FGD4: variants seen among roughly 807,000 people sequenced by gnomAD.
The protein encoded by FGD4 is FYVE, RhoGEF and PH domain containing 4.
A neutral mutation model predicts 102.0 loss-of-function variants in FGD4; 42 were observed. The ratio of observed to expected loss-of-function variants is 0.41; its 90% CI spans 0.32 to 0.53. FGD4 has a LOEUF of 0.53. FGD4 is among the 20% of genes least tolerant of loss of function. The pLI is 0.21. For missense variants in FGD4, 902 were observed against 1,078.2 expected (o/e 0.84, Z 2.29); for synonymous variants, 380 against 375.7 (o/e 1.01, Z -0.13).
intron 4 of FGD4, among the ~76,000 whole-genome samples, chr12:32,595,085 T>G (rs1215089803): frequency 6.6e-6 from 1 of 151,658 alleles, no homozygotes; most frequent in African/African-American, 2.4e-5. Context: ...ACAATGTTGA[T>G]GCAGGGGAAT....
Position 32,570,355 on chromosome 12 carries a change from G to A in FGD4, c.320-5911G>A, listed in dbSNP as rs540601958. 4.7e-4 allele frequency among the ~76,000 whole-genome samples: 71 copies of A among 152,096 alleles called. 1 individual carries two copies. The highest frequency in any genetic ancestry group is 7.9e-4 in the Non-Finnish European group (54 of 68,010). On this transcript the variant is annotated intron_variant, in intron 2 of 16. Coordinates refer to ENST00000534526, the MANE Select transcript of FGD4 (RefSeq NM_001370298.3). ...TTCCCTGAAATACTAATAAGTGAGG[G>A]TGAACACCATTTTTCCTGTCTATAT...
At chr12:32,623,142 A>T (rs1949946122) in intron 11 of FGD4, among the ~76,000 whole-genome samples, 2 of 152,176 alleles carry the variant, frequency 1.3e-5, no homozygotes. Context: ...TTTTATATAC[A>T]GAATACTATT....
At chr12:32,424,466 A>G (rs551859630) in intron 1 of FGD4, among the ~76,000 whole-genome samples, 1 of 152,232 alleles carries the variant, frequency 6.6e-6, no homozygotes, top group East Asian at 1.9e-4. Context: ...TATCCAGTCT[A>G]TCATTGATGG....
Position 32,586,346 on chromosome 12 carries a change from C to T in FGD4, c.1011+3879C>T, listed in dbSNP as rs180947726. On this transcript the variant is annotated intron_variant, in intron 4 of 16. Transcript: ENST00000534526. ...CAGAAAATACACACAAAAACCACAC[C>T]CATAATTCTACCAGTGAGAATTGCT... Among the ~76,000 whole-genome samples the T allele has an allele frequency of 4.6e-5, 7 of 152,070 alleles. No homozygotes were observed. The East Asian group carries it at 1.4e-3, about 29-fold the overall frequency.
intron 1 of FGD4, among the ~76,000 whole-genome samples, chr12:32,533,648 C>G (rs1941996276): frequency 6.6e-6 from 1 of 152,202 alleles, no homozygotes; most frequent in Non-Finnish European, 1.5e-5. Flanking sequence ...TGGTTTCGAA[C>G]TCCTGACCTC....
intron 1 of FGD4, among the ~76,000 whole-genome samples, chr12:32,559,222 A>C (rs974483331): frequency 1.3e-5 from 2 of 152,156 alleles, no homozygotes; most frequent in Non-Finnish European, 1.5e-5. Flanking sequence ...AACAAACAAA[A>C]AGTTTCAGTT....
In FGD4 at chr12:32,633,660, G is replaced by GAAGAA. The variant is rs751035912; in HGVS notation, c.2298_2302dup (p.Gly768GlufsTer5). ...AATCATAAGTGGATTCACAGACAGT[G>GAAGAA]AAGAAAAGAAAAGAAAAGGAATTTT... On this transcript the variant is annotated frameshift_variant, in exon 15 of 17. Coordinates refer to ENST00000534526, the MANE Select transcript of FGD4 (RefSeq NM_001370298.3). LOFTEE classifies it high-confidence loss of function. 8 of 1,606,378 alleles carry GAAGAA rather than the reference G, an allele frequency of 5.0e-6. No individual in the cohort carries two copies. Among genetic ancestry groups the GAAGAA allele is most frequent in the African/African-American group, 1.3e-5 (1 of 74,750 alleles).
intron 1 of FGD4, among the ~76,000 whole-genome samples, chr12:32,535,877 G>C (rs1304382462): frequency 1.3e-5 from 2 of 152,136 alleles, no homozygotes. Flanking sequence ...TAGAGAACTT[G>C]TTGGCTCTTG....
chr12:32,596,752 A>G (rs771600310), intron 4 of FGD4, among the ~76,000 whole-genome samples: 52 of 152,024 alleles, frequency 3.4e-4, no homozygotes, highest in Non-Finnish European at 6.0e-4. Flanking sequence ...CCTGACCAAC[A>G]TGGAGAAACC....
chr12:32,633,448 C>T, intron 14 of FGD4, 101 bp from the exon 15 acceptor site: 1 of 1,307,526 alleles, frequency 7.6e-7, no homozygotes, highest in Non-Finnish European at 1.1e-6. Flanking sequence ...AATCTGCCTT[C>T]TATGCTTAAC....
chr12:32,585,222 T>TTATATATATATATATATATA (rs140227421), intron 4 of FGD4, among the ~76,000 whole-genome samples: 234 of 116,080 alleles, frequency 2.0e-3, no homozygotes, highest in Non-Finnish European at 2.7e-3. Flanking sequence ...CTCAAAAATT[T>TTATATATATATATATATATA]TATATATATA....
At chr12:32,577,374 T>C (rs1946214433) in intron 3 of FGD4, among the ~76,000 whole-genome samples, 1 of 152,228 alleles carries the variant, frequency 6.6e-6, no homozygotes, top group Admixed American at 6.5e-5. Flanking sequence ...TGTTAACCAT[T>C]AGGGTGATTT....
chr12:32,430,577 CTTTTA>C (rs928796522), intron 1 of FGD4, among the ~76,000 whole-genome samples: 2 of 152,072 alleles, frequency 1.3e-5, no homozygotes, highest in Non-Finnish European at 2.9e-5. Flanking sequence ...CTTCATTCCT[CTTTTA>C]CTCTATTTAA....
At chr12:32,582,537 T>C (rs1332388873) in intron 4 of FGD4, 70 bp downstream of exon 4, 5 of 1,580,454 alleles carry the variant, frequency 3.2e-6, no homozygotes, top group Non-Finnish European at 4.3e-6. Flanking sequence ...AAACTCTTTA[T>C]TTATTGCACC....
intron 4 of FGD4, among the ~76,000 whole-genome samples, chr12:32,590,718 A>G (rs1947404896): frequency 6.6e-6 from 1 of 152,190 alleles, no homozygotes; most frequent in Non-Finnish European, 1.5e-5. Context: ...TGCTTCACAG[A>G]TGGATTAGGA....
At chr12:32,425,952 AGGAGATTT>A (rs1299014837) in intron 1 of FGD4, among the ~76,000 whole-genome samples, 1 of 152,220 alleles carries the variant, frequency 6.6e-6, no homozygotes, top group East Asian at 1.9e-4. Flanking sequence ...TATCAGCTTA[AGGAGATTT>A]GGAGCTGAGA....
intron 1 of FGD4, among the ~76,000 whole-genome samples, chr12:32,472,280 G>A (rs1169319336): frequency 1.3e-5 from 2 of 152,256 alleles, no homozygotes; most frequent in East Asian, 3.9e-4. Flanking sequence ...AGCTTGCAGG[G>A]AGGTGTGGAG....
intron 2 of FGD4, among the ~76,000 whole-genome samples, chr12:32,571,230 G>A (rs1464212748): frequency 6.6e-6 from 1 of 152,096 alleles, no homozygotes; most frequent in Non-Finnish European, 1.5e-5. Flanking sequence ...TGAGGCAGGC[G>A]GATCACCTGA....
chr12:32,635,320 A>C (rs551345473), intron 15 of FGD4, among the ~76,000 whole-genome samples: 9 of 152,310 alleles, frequency 5.9e-5, no homozygotes, highest in Non-Finnish European at 1.2e-4. Flanking sequence ...GAGTCGGGGA[A>C]CTTGGTTTTA....
Sources: allele counts gnomAD v4.1 joint callset (sites outside exome capture counted in the v4.1 genomes callset), GRCh38; gene constraint gnomAD v4.1.1; transcripts MANE v1.5; gene names NCBI Gene and HGNC (gene_info 2026-07-23, HGNC 2026-07-21).